The following GLIS3 variants were observed in gnomAD, a reference collection of about 807,000 sequenced individuals.
GLIS3 encodes zinc finger protein GLIS3.
GLIS3 carries 53 observed loss-of-function variants against 78.6 expected under a neutral mutation model. That is an observed-to-expected ratio of 0.67 (90% CI 0.54 to 0.85). The LOEUF (loss-of-function observed/expected upper bound fraction) is 0.85, where lower values mean the gene tolerates loss of function less well. Ranked by LOEUF, GLIS3 falls within the 40% of genes least tolerant of loss-of-function variation. The pLI, the probability that GLIS3 is intolerant of heterozygous loss-of-function variation, is 0.00. For synonymous variants in GLIS3, 684 were observed against 509.9 expected (o/e 1.34, Z -4.60); for missense variants, 1,703 against 1,231.1 (o/e 1.38, Z -5.74).
Position 4,208,151 on chromosome 9 carries a change from T to C in GLIS3, c.388+77887A>G, listed in dbSNP as rs373075887. On this transcript the variant is annotated intron_variant, in intron 2 of 10. Coordinates refer to ENST00000381971, the MANE Select transcript of GLIS3 (RefSeq NM_001042413.2). ...AGTCCCCTGGGAGAAAAGCTTTTAT[T>C]TGACAAAGCAGATTCTTGCCACACA... Among the ~76,000 whole-genome samples the C allele has an allele frequency of 5.3e-5, 8 of 152,336 alleles. No individual in the cohort carries two copies. The East Asian group carries it at 1.5e-3, about 29-fold the overall frequency.
intron 2 of GLIS3, among the ~76,000 whole-genome samples, chr9:4,212,009 G>T (rs1014309824): frequency 6.6e-6 from 1 of 152,194 alleles, no homozygotes; most frequent in Non-Finnish European, 1.5e-5. Context: ...GGTTGCCTGG[G>T]GCTGGGAGTG....
intron 4 of GLIS3, chr9:4,081,509 T>C (rs962737394): frequency 5.3e-5 from 8 of 152,204 alleles, no homozygotes; most frequent in Admixed American, 3.9e-4. Context: ...TCTGGCTAAA[T>C]GGAGAAAACA....
chr9:4,394,392 G>C, the GLIS3 span, among the ~76,000 whole-genome samples: 2 of 151,514 alleles, frequency 1.3e-5, no homozygotes, highest in Non-Finnish European at 2.9e-5. Context: ...GAGTAATATG[G>C]GGTGGTTGTG....
chr9:4,321,314 CG>C, intron 2 of GLIS3, among the ~76,000 whole-genome samples: 1 of 95,840 alleles, frequency 1.0e-5, no homozygotes, highest in Admixed American at 9.9e-5. Context: ...CCCAGCTACT[CG>C]GGAGGCTGAG....
At chr9:4,138,287 G>A (rs890561878) in intron 2 of GLIS3, among the ~76,000 whole-genome samples, 6 of 152,336 alleles carry the variant, frequency 3.9e-5, no homozygotes, top group Middle Eastern at 3.4e-3. Context: ...GTTTCCCAAA[G>A]ACACATTTAC....
chr9:4,431,365 TA>T, the GLIS3 span, among the ~76,000 whole-genome samples: 3 of 152,204 alleles, frequency 2.0e-5, no homozygotes, highest in African/African-American at 7.2e-5. Context: ...AAAAAATAAC[TA>T]GGAGATTTTG....
the GLIS3 span, among the ~76,000 whole-genome samples, chr9:4,407,489 C>T: frequency 6.6e-6 from 1 of 152,086 alleles, no homozygotes; most frequent in African/African-American, 2.4e-5. Context: ...ACTAAAAATA[C>T]AAAAACAATT....
At chr9:3,859,546 T>C (rs117870161) in intron 8 of GLIS3, among the ~76,000 whole-genome samples, 1 of 152,324 alleles carries the variant, frequency 6.6e-6, no homozygotes, top group African/African-American at 2.4e-5. Flanking sequence ...TATTTGCCAT[T>C]TTCCCTCTTA....
Position 4,286,367 on chromosome 9 carries a change from G to C in GLIS3, c.59C>G (p.Pro20Arg), listed in dbSNP as rs775319770. ...AATGTGATGACCACTGACCATCCTA[G>C]GCCCCTGTGGGGTTCCCGATGTCCG... is the stretch of plus-strand genomic sequence containing the variant. ...LHRTSGTPQG[P>R]RMVSGHHIPA... The change falls in exon 2 of 11, where the codon CCT becomes CGT. Residue 20 changes from proline to arginine, a missense_variant. Transcript: ENST00000381971. The C allele has an allele frequency of 5.0e-6, 8 of 1,614,064 alleles. No homozygotes were observed. The South Asian group carries it at 7.7e-5, about 16-fold the overall frequency.
the GLIS3 span, among the ~76,000 whole-genome samples, chr9:4,397,774 AGGAGG>A: frequency 5.1e-5 from 7 of 137,878 alleles, no homozygotes; most frequent in East Asian, 4.4e-4. Flanking sequence ...AGGAAAGGAG[AGGAGG>A]GGAGGGGAGG....
intron 2 of GLIS3, chr9:4,144,919 T>C (rs1834095861): frequency 6.6e-6 from 1 of 152,252 alleles, no homozygotes; most frequent in Non-Finnish European, 1.5e-5. Context: ...TACTTGTTCT[T>C]CATAACTGTC....
intron 4 of GLIS3, among the ~76,000 whole-genome samples, chr9:3,965,693 A>T (rs910862335): frequency 6.6e-6 from 1 of 152,172 alleles, no homozygotes; most frequent in Non-Finnish European, 1.5e-5. Flanking sequence ...AAACCCCGCT[A>T]TGTTCCTAGT....
the GLIS3 span, among the ~76,000 whole-genome samples, chr9:4,433,374 G>A: frequency 6.6e-6 from 1 of 152,156 alleles, no homozygotes; most frequent in African/African-American, 2.4e-5. Flanking sequence ...AAAAGTTGCA[G>A]CAAGCAGAGA....
chr9:3,975,838 C>A (rs962609016), intron 4 of GLIS3, among the ~76,000 whole-genome samples: 4 of 152,016 alleles, frequency 2.6e-5, no homozygotes, highest in African/African-American at 9.7e-5. Flanking sequence ...GCTTCCACAG[C>A]CCTCATTAAA....
At chr9:3,974,898 G>A (rs1194556792) in intron 4 of GLIS3, among the ~76,000 whole-genome samples, 1 of 151,926 alleles carries the variant, frequency 6.6e-6, no homozygotes, top group East Asian at 1.9e-4. Context: ...GAATCAAAAA[G>A]CACCAGAAAT....
chr9:3,848,493 ACT>A (rs1434140166), intron 9 of GLIS3, among the ~76,000 whole-genome samples: 1 of 152,146 alleles, frequency 6.6e-6, no homozygotes, highest in Non-Finnish European at 1.5e-5. Context: ...CAAGAGCGAA[ACT>A]CTGTCTCAAA....
the GLIS3 span, among the ~76,000 whole-genome samples, chr9:4,420,917 C>A: frequency 6.6e-6 from 1 of 152,060 alleles, no homozygotes; most frequent in African/African-American, 2.4e-5. Context: ...AGAAATAGAG[C>A]CTTCATTTTT....
intron 4 of GLIS3, among the ~76,000 whole-genome samples, chr9:4,040,953 G>A (rs1563977087): frequency 6.6e-6 from 1 of 152,140 alleles, no homozygotes. Flanking sequence ...TCCAGACCCA[G>A]GGAAGGAGAA....
chr9:4,245,625 G>A (rs1467588821), intron 2 of GLIS3, among the ~76,000 whole-genome samples: 1 of 152,200 alleles, frequency 6.6e-6, no homozygotes, highest in African/African-American at 2.4e-5. Flanking sequence ...AACTCCCTTA[G>A]ACTCCAATGG....
Sources: allele counts gnomAD v4.1 joint callset (sites outside exome capture counted in the v4.1 genomes callset), GRCh38; gene constraint gnomAD v4.1.1; transcripts MANE v1.5; gene names NCBI Gene and HGNC (gene_info 2026-07-23, HGNC 2026-07-21).